The following PEX5L variants were observed in gnomAD, a reference collection of about 807,000 sequenced individuals.
PEX5L encodes peroxisomal biogenesis factor 5 like.
In PEX5L, 30 loss-of-function variants were observed where a neutral mutation model predicts 84.0. That is an observed-to-expected ratio of 0.36 (90% CI 0.27 to 0.48). The LOEUF is 0.48. Among genes scored for constraint, PEX5L ranks in the 20% least tolerant of loss-of-function variants. The pLI is 0.99. For synonymous variants in PEX5L, 270 were observed against 283.1 expected (o/e 0.95, Z 0.46); for missense variants, 533 against 754.6 (o/e 0.71, Z 3.44).
intron 8 of PEX5L, among the ~76,000 whole-genome samples, chr3:179,836,180 C>G (rs1025479876): frequency 2.6e-5 from 4 of 152,070 alleles, no homozygotes. Flanking sequence ...CTTCTGTGAG[C>G]TCTAGTTTTC....
chr3:179,945,637 G>T (rs1777310792), intron 2 of PEX5L, among the ~76,000 whole-genome samples: 1 of 152,130 alleles, frequency 6.6e-6, no homozygotes, highest in African/African-American at 2.4e-5. Flanking sequence ...ACGCTTGAAA[G>T]GTCAATAAAC....
chr3:179,911,664 T>G (rs1344046125), intron 2 of PEX5L, among the ~76,000 whole-genome samples: 1 of 152,180 alleles, frequency 6.6e-6, no homozygotes, highest in Admixed American at 6.5e-5. Flanking sequence ...AATGCTACAC[T>G]ATAATGAAAA....
intron 2 of PEX5L, among the ~76,000 whole-genome samples, chr3:179,912,773 C>G (rs116250444): frequency 0.013 from 1,943 of 152,086 alleles, 43 homozygotes; most frequent in African/African-American, 0.044. Flanking sequence ...ACTAGCATTC[C>G]CAATTATTTT....
At chr3:179,886,436 AG>A in intron 4 of PEX5L, among the ~76,000 whole-genome samples, 1 of 152,380 alleles carries the variant, frequency 6.6e-6, no homozygotes, top group Non-Finnish European at 1.5e-5. Context: ...ATGAAAGTGT[AG>A]GGAATACATA....
chr3:179,932,594 G>A (rs1176335570), intron 2 of PEX5L, among the ~76,000 whole-genome samples: 1 of 152,074 alleles, frequency 6.6e-6, no homozygotes, highest in Non-Finnish European at 1.5e-5. Flanking sequence ...CAAGAGATAG[G>A]ATTTCAAATA....
chr3:179,952,453 T>C (rs545819372), intron 2 of PEX5L, among the ~76,000 whole-genome samples: 1 of 152,154 alleles, frequency 6.6e-6, no homozygotes, highest in East Asian at 1.9e-4. Flanking sequence ...AGAATGACAA[T>C]GAGACTGTTG....
intron 1 of PEX5L, among the ~76,000 whole-genome samples, chr3:180,018,517 A>C (rs565787850): frequency 6.6e-6 from 1 of 152,236 alleles, no homozygotes; most frequent in Non-Finnish European, 1.5e-5. Context: ...TATAAATGAA[A>C]ACATATTTTT....
intron 10 of PEX5L, among the ~76,000 whole-genome samples, chr3:179,813,388 C>T (rs550951646): frequency 1.3e-5 from 2 of 152,210 alleles, no homozygotes; most frequent in African/African-American, 4.8e-5. Flanking sequence ...TATTTGAAAA[C>T]GCCTTGTAAA....
At chr3:179,888,248 A>G in intron 3 of PEX5L, 1 of 948,874 alleles carries the variant, frequency 1.1e-6, no homozygotes, top group Non-Finnish European at 1.5e-6. Context: ...GGGTGGATAA[A>G]TGCCTGCCTC....
intron 8 of PEX5L, among the ~76,000 whole-genome samples, chr3:179,839,242 T>C (rs1027498310): frequency 4.6e-5 from 7 of 152,156 alleles, no homozygotes; most frequent in African/African-American, 1.7e-4. Context: ...CTGACATAAA[T>C]TAAAGGTTTT....
At chr3:179,858,633 A>C (rs1475060362) in intron 8 of PEX5L, among the ~76,000 whole-genome samples, 8 of 152,182 alleles carry the variant, frequency 5.3e-5, no homozygotes, top group African/African-American at 1.9e-4. Flanking sequence ...AGGAACATAT[A>C]TATCACACGG....
intron 3 of PEX5L, among the ~76,000 whole-genome samples, chr3:179,890,360 T>C (rs898299210): frequency 1.3e-5 from 2 of 152,206 alleles, no homozygotes; most frequent in African/African-American, 4.8e-5. Context: ...CAGTGCATTC[T>C]GATGACTGGC....
At chr3:180,028,530 A>G (rs1218185751) in intron 1 of PEX5L, among the ~76,000 whole-genome samples, 4 of 152,192 alleles carry the variant, frequency 2.6e-5, no homozygotes, top group Non-Finnish European at 5.9e-5. Flanking sequence ...GTTTATTGTA[A>G]TATTTATTTT....
At chr3:179,906,417 T>C (rs1234710195) in intron 2 of PEX5L, among the ~76,000 whole-genome samples, 1 of 152,206 alleles carries the variant, frequency 6.6e-6, no homozygotes, top group East Asian at 1.9e-4. Flanking sequence ...ATCTCTATTA[T>C]ACACCTGCAA....
chr3:179,909,694 G>A (rs1764509068), intron 2 of PEX5L, among the ~76,000 whole-genome samples: 1 of 152,180 alleles, frequency 6.6e-6, no homozygotes, highest in South Asian at 2.1e-4. Flanking sequence ...TTTGGAAACA[G>A]GGTTGTTAAA....
At chr3:179,905,079 C>G (rs1335572281) in intron 2 of PEX5L, among the ~76,000 whole-genome samples, 3 of 152,204 alleles carry the variant, frequency 2.0e-5, no homozygotes, top group African/African-American at 7.2e-5. Context: ...GCTCAAACAG[C>G]AGCTTTCATC....
In PEX5L at chr3:179,953,816, G is replaced by T. The variant is rs145311536; in HGVS notation, c.93+17778C>A. ...CGATGGATGAAATAGGAGGCTCAAAGGTTGACATGCAGTAAATCATAATGG... is the reference window on the plus strand; with the variant it reads ...CGATGGATGAAATAGGAGGCTCAAATGTTGACATGCAGTAAATCATAATGG... On this transcript the variant is annotated intron_variant, in intron 2 of 14. Coordinates refer to ENST00000467460, the MANE Select transcript of PEX5L (RefSeq NM_016559.3). Among the ~76,000 whole-genome samples the T allele has an allele frequency of 3.9e-5, 6 of 152,238 alleles. No individual in the cohort carries two copies. The East Asian group carries it at 1.2e-3, about 29-fold the overall frequency.
chr3:179,875,532 GA>G, intron 5 of PEX5L, 55 bp from the exon 6 acceptor site: 1 of 1,319,776 alleles, frequency 7.6e-7, no homozygotes, highest in Non-Finnish European at 1.1e-6. Context: ...GGGGTAGGGG[GA>G]GCGGTGGCGG....
chr3:180,014,460 A>G (rs370836837), intron 1 of PEX5L, among the ~76,000 whole-genome samples: 5 of 147,708 alleles, frequency 3.4e-5, no homozygotes, highest in East Asian at 1.9e-4. Context: ...TGACAGAGCG[A>G]GACTCCGACT....
Sources: allele counts gnomAD v4.1 joint callset (sites outside exome capture counted in the v4.1 genomes callset), GRCh38; gene constraint gnomAD v4.1.1; transcripts MANE v1.5; gene names NCBI Gene and HGNC (gene_info 2026-07-23, HGNC 2026-07-21).